The following XPO5 variants were observed in gnomAD, a reference collection of about 807,000 sequenced individuals.
The protein encoded by XPO5 is exportin-5.
A neutral mutation model predicts 160.6 loss-of-function variants in XPO5; 46 were observed. The observed-to-expected ratio is 0.29, with a 90% CI of 0.23 to 0.37. The LOEUF is 0.37. Ranked by LOEUF, XPO5 falls within the 10% of genes least tolerant of loss-of-function variation. The pLI is 1.00. For synonymous variants in XPO5, 537 were observed against 519.3 expected (o/e 1.03, Z -0.46); for missense variants, 1,090 against 1,463.9 (o/e 0.74, Z 4.17).
chr6:43,525,434 G>A (rs890990842), intron 28 of XPO5: 3 of 546,508 alleles, frequency 5.5e-6, no homozygotes, highest in Non-Finnish European at 9.6e-6. Context: ...CACCATGCCT[G>A]GCTTAGGAGC....
intron 5 of XPO5, among the ~76,000 whole-genome samples, chr6:43,570,030 T>TTTA (rs1438185287): frequency 3.9e-5 from 5 of 129,162 alleles, no homozygotes; most frequent in African/African-American, 1.5e-4. Flanking sequence ...TTTTTTTTTT[T>TTTA]AAAAAAGGCC....
At position 43,546,750 on chromosome 6, in the gene XPO5, C is replaced by T; in HGVS notation, c.2163G>A (p.Met721Ile). Residue 721 changes from methionine (M) to isoleucine (I), a missense_variant and splice_region_variant, in exon 20 of 32, where the codon ATG (methionine) becomes ATA (isoleucine). By Grantham distance (10) the Met-to-Ile change is conservative. Coordinates refer to ENST00000265351, the MANE Select transcript of XPO5 (RefSeq NM_020750.3). ...CCAGAATGCTGTATACACAAAAGCTCATCTATAGAAAAATAAGAATGACAG... is the reference window on the plus strand; with the variant it reads ...CCAGAATGCTGTATACACAAAAGCTTATCTATAGAAAAATAAGAATGACAG... Reference protein sequence around the residue: ...EDPCGLNRARMSFCVYSILGV... With the variant: ...EDPCGLNRARISFCVYSILGV... The T allele has an allele frequency of 6.4e-7, 1 of 1,556,514 alleles. No individual in the cohort carries two copies. The highest frequency in any genetic ancestry group is 8.6e-7 in the Non-Finnish European group (1 of 1,156,554).
chr6:43,525,771 C>T, intron 28 of XPO5, 68 bp downstream of exon 28: 1 of 1,526,452 alleles, frequency 6.6e-7, no homozygotes, highest in Non-Finnish European at 8.9e-7. Context: ...CACCATAGAG[C>T]AAGAAAAGTA....
At chr6:43,556,805 G>A (rs1040862833) in intron 12 of XPO5, among the ~76,000 whole-genome samples, 2 of 152,054 alleles carry the variant, frequency 1.3e-5, no homozygotes, top group East Asian at 1.9e-4. Context: ...AGTAAATGTG[G>A]TATATCCATA....
Position 43,548,422 on chromosome 6 carries a change from G to A in XPO5, c.1899C>T (p.Leu633=). The change falls in exon 18 of 32, where the codon CTC becomes CTT. Residue 633 remains leucine, a synonymous_variant. Coordinates refer to ENST00000265351, the MANE Select transcript of XPO5 (RefSeq NM_020750.3). ...FDMLYNHVKQ[L]LSNELLLTQM... ...GTGTCAGGAGTAGCTCATTGGAGAG[G>A]AGTTGCTTCACATGGTTATAAAGCA... 2 of 1,604,430 alleles carry A rather than the reference G, an allele frequency of 1.2e-6. No individual in the cohort carries two copies. Among genetic ancestry groups the A allele is most frequent in the East Asian group, 2.2e-5 (1 of 44,686 alleles).
chr6:43,528,957 T>C (rs770192857), intron 23 of XPO5, 32 bp from the exon 24 acceptor site: 56 of 1,589,274 alleles, frequency 3.5e-5, no homozygotes, highest in Admixed American at 1.2e-4. Flanking sequence ...TTTTAGTGCA[T>C]AGGCACACAT....
chr6:43,527,281 C>CT (rs375730347), intron 26 of XPO5: 95 of 211,018 alleles, frequency 4.5e-4, no homozygotes, highest in South Asian at 6.3e-4. Flanking sequence ...CAAACATGAA[C>CT]TTTTTTTTTG....
intron 1 of XPO5, among the ~76,000 whole-genome samples, chr6:43,573,911 C>T (rs1763150064): frequency 6.7e-6 from 1 of 150,226 alleles, no homozygotes; most frequent in South Asian, 2.1e-4. Flanking sequence ...GCAACCTCTG[C>T]TTCCCAGGTT....
intron 22 of XPO5, 119 bp from the exon 23 acceptor site, chr6:43,530,943 G>T: frequency 1.5e-6 from 2 of 1,298,088 alleles, no homozygotes; most frequent in Non-Finnish European, 2.1e-6. Flanking sequence ...AAGAGCAGTT[G>T]TATTTACTTA....
In XPO5 at chr6:43,522,666, C is replaced by A; in HGVS notation, c.*1202G>T. On this transcript the variant is annotated 3_prime_UTR_variant, in exon 32 of 32. Transcript: ENST00000265351. ...ATCTGACCCTGCCTGTGGCCCGCAC[C>A]AGCTAAAAACTGTAGCTTCAGTCCA... 1 of 472,426 alleles carries A rather than the reference C, an allele frequency of 2.1e-6. No individual in the cohort carries two copies. Among genetic ancestry groups the A allele is most frequent in the Non-Finnish European group, 4.5e-6 (1 of 222,080 alleles). 29.3% of individuals were successfully genotyped at this position (472,426 alleles called of 1,614,324 possible). A position where few individuals can be genotyped will look rare whatever the true frequency, so the allele number is the denominator to read the frequency against.
At chr6:43,573,821 ATATTT>A (rs1399383370) in intron 1 of XPO5, among the ~76,000 whole-genome samples, 138 of 122,690 alleles carry the variant, frequency 1.1e-3, no homozygotes, top group African/African-American at 4.7e-3. Flanking sequence ...ATATATATAT[ATATTT>A]TTTTTTTTTT....
Position 43,541,132 on chromosome 6 carries a change from T to A in XPO5, c.2342+5439A>T, listed in dbSNP as rs573310766. Reference sequence around the variant, plus strand: ...GGGTAGTGGTGGGTTAGGGGTAAGGTAGGGATTGTTAATGGGTACAAAAAA... The same window carrying A: ...GGGTAGTGGTGGGTTAGGGGTAAGGAAGGGATTGTTAATGGGTACAAAAAA... On this transcript the variant is annotated intron_variant, in intron 20 of 31. Coordinates refer to ENST00000265351, the MANE Select transcript of XPO5 (RefSeq NM_020750.3). 9.2e-5 allele frequency among the ~76,000 whole-genome samples: 14 copies of A among 152,060 alleles called. No individual in the cohort carries two copies. In the East Asian group the frequency reaches 2.7e-3, roughly 29 times the overall value.
intron 20 of XPO5, chr6:43,544,197 T>C: frequency 6.1e-6 from 1 of 164,540 alleles, no homozygotes. Context: ...GCTGTTAGCC[T>C]CCTAAATGAA....
chr6:43,523,919 C>A lies in XPO5; in HGVS notation c.3564G>T (p.Thr1188=). 1 of 1,614,060 alleles carries A rather than the reference C, an allele frequency of 6.2e-7. No homozygotes were observed. The highest frequency in any genetic ancestry group is 8.5e-7 in the Non-Finnish European group (1 of 1,179,906). The part of the protein sequence containing the change: ...LFKKTKPMLE[T]EVLDNDGGGL... ...CACCCCCATCATTGTCCAGCACCTC[C>A]GTCTCCAGCATTGGCTTTGTTTTTT... Residue 1188 remains threonine, a synonymous_variant, in exon 32 of 32, where the codon ACG becomes ACT. Coordinates refer to ENST00000265351, the MANE Select transcript of XPO5 (RefSeq NM_020750.3).
intron 1 of XPO5, among the ~76,000 whole-genome samples, chr6:43,574,818 A>C (rs955872786): frequency 4.6e-5 from 7 of 152,166 alleles, no homozygotes; most frequent in African/African-American, 1.7e-4. Context: ...GTCTATTTTA[A>C]ATATTAATAA....
At chr6:43,556,666 G>C (rs898645816) in intron 12 of XPO5, among the ~76,000 whole-genome samples, 4 of 151,994 alleles carry the variant, frequency 2.6e-5, no homozygotes, top group African/African-American at 9.7e-5. Flanking sequence ...TCTACTCCTA[G>C]TTATATATCT....
intron 7 of XPO5, among the ~76,000 whole-genome samples, chr6:43,566,815 A>AC (rs1340167743): frequency 1.7e-4 from 26 of 149,812 alleles, no homozygotes; most frequent in African/African-American, 6.0e-4. Flanking sequence ...TTCAATTAAA[A>AC]AAAAAAAAAA....
At position 43,523,445 on chromosome 6, in the gene XPO5, ACT is replaced by A. The variant is rs1311038340; in HGVS notation, c.*421_*422del. The A allele has an allele frequency of 2.9e-6, 1 of 339,348 alleles. No individual in the cohort carries two copies. Among genetic ancestry groups the A allele is most frequent in the Non-Finnish European group, 5.8e-6 (1 of 172,834 alleles). The allele number at this position is 339,348 out of a possible 1,614,324, so 21.0% of individuals were successfully genotyped here. ...TGGGAGTTGGAGTGGTCCAAGAGAAACTCTGGCACAAGTAGTTGAGGGCTGTG... is the reference window on the plus strand; with the variant it reads ...TGGGAGTTGGAGTGGTCCAAGAGAAACTGGCACAAGTAGTTGAGGGCTGTG... On this transcript the variant is annotated 3_prime_UTR_variant, in exon 32 of 32. Coordinates refer to ENST00000265351, the MANE Select transcript of XPO5 (RefSeq NM_020750.3).
Position 43,551,309 on chromosome 6 carries a change from C to T in XPO5, c.1717G>A (p.Val573Ile). The T allele has an allele frequency of 6.2e-7, 1 of 1,612,048 alleles. No homozygotes were observed. The change falls in exon 15 of 32, where the codon GTC (valine) becomes ATC (isoleucine). Residue 573 changes from valine to isoleucine, a missense_variant. Coordinates refer to ENST00000265351, the MANE Select transcript of XPO5 (RefSeq NM_020750.3). Reference sequence around the variant, plus strand: ...GATGGGCTTTATACCTTAGAGAAGACCTGGGGCAGGAACTCTGGTCTGTAG... The same window carrying T: ...GATGGGCTTTATACCTTAGAGAAGATCTGGGGCAGGAACTCTGGTCTGTAG... ...VTYRPEFLPQVFSKLFSSVTF... is the reference protein window; with the variant it reads ...VTYRPEFLPQIFSKLFSSVTF...
Sources: gnomAD v4.1 joint callset for allele counts (sites outside exome capture counted in the v4.1 genomes callset) on GRCh38, gnomAD v4.1.1 for gene constraint, MANE v1.5 for transcripts, NCBI Gene and HGNC (gene_info 2026-07-23, HGNC 2026-07-21) for gene names.